DOP1B: variants seen among roughly 807,000 people sequenced by gnomAD.
DOP1B encodes the protein protein DOP1B.
DOP1B carries 174 observed loss-of-function variants against 233.5 expected under a neutral mutation model. The observed-to-expected ratio is 0.75, with a 90% CI of 0.66 to 0.85. DOP1B has a LOEUF of 0.85. DOP1B is among the 40% of genes least tolerant of loss of function. The pLI, the probability that DOP1B is intolerant of heterozygous loss-of-function variation, is 0.00. For missense variants in DOP1B, 2,652 were observed against 2,846.6 expected (o/e 0.93, Z 1.56); for synonymous variants, 1,190 against 1,185.6 (o/e 1.00, Z -0.08).
In DOP1B at chr21:36,277,095, G is replaced by T; in HGVS notation, c.5707G>T (p.Ala1903Ser). Residue 1903 changes from alanine to serine, a missense_variant, in exon 28 of 37, where the codon GCA becomes TCA. Coordinates refer to ENST00000691173, the MANE Select transcript of DOP1B (RefSeq NM_001320714.2). ...VYSVQALSLL[A>S]EVLASLLDMV... ...CAGCGTGCAAGCCCTCTCTCTCCTG[G>T]CAGAGGTAAATACACACCTGACCTG... 1.9e-6 allele frequency: 3 copies of T among 1,613,936 alleles called. No homozygotes were observed. The highest frequency in any genetic ancestry group is 2.5e-6 in the Non-Finnish European group (3 of 1,179,958).
intron 10 of DOP1B, among the ~76,000 whole-genome samples, chr21:36,219,943 G>A (rs1483649340): frequency 1.3e-5 from 2 of 151,734 alleles, no homozygotes; most frequent in Admixed American, 1.3e-4. Context: ...GGGTGTTGGG[G>A]GAGATTGGGG....
intron 13 of DOP1B, among the ~76,000 whole-genome samples, chr21:36,228,701 C>G (rs1044022429): frequency 6.6e-6 from 1 of 151,580 alleles, no homozygotes; most frequent in African/African-American, 2.4e-5. Flanking sequence ...AGGAGGCAGA[C>G]CTTGCAGTGA....
In DOP1B at chr21:36,219,640, T is replaced by C. The variant is rs1277583803; in HGVS notation, c.1250+148T>C. 21 of 1,140,664 alleles carry C rather than the reference T, an allele frequency of 1.8e-5. No homozygotes were observed. The Admixed American group carries it at 5.6e-4, about 30-fold the overall frequency. The allele number at this position is 1,140,664 out of a possible 1,614,324, so 70.7% of individuals were successfully genotyped here. ...ACCATTGGTGAAAATAATCAATGCG[T>C]TGAAGTCAGTCCATGGGAATTGACT... is the stretch of plus-strand genomic sequence containing the variant. On this transcript the variant is annotated intron_variant, in intron 10 of 36. Transcript: ENST00000691173.
intron 13 of DOP1B, among the ~76,000 whole-genome samples, chr21:36,228,951 A>G (rs1392335193): frequency 6.6e-6 from 1 of 152,120 alleles, no homozygotes; most frequent in African/African-American, 2.4e-5. Context: ...AGCCTGAGTG[A>G]GAGCAAGACC....
In DOP1B at chr21:36,246,184, T is replaced by C. The variant is rs1427728071; in HGVS notation, c.4204T>C (p.Tyr1402His). Residue 1402 changes from tyrosine to histidine, a missense_variant, in exon 19 of 37, where the codon TAC becomes CAC. By Grantham distance (83) the Tyr-to-His change is moderately conservative (BLOSUM62 2). Coordinates refer to ENST00000691173, the MANE Select transcript of DOP1B (RefSeq NM_001320714.2). The surrounding 1 kb of genome is among the most constrained non-coding windows in gnomAD (Gnocchi z 5.1). Reference sequence around the variant, plus strand: ...GTCCATGTACACGAGCCAGAAGCGCTACGGGCTGGCCACCGCCCACCACGG... The same window carrying C: ...GTCCATGTACACGAGCCAGAAGCGCCACGGGCTGGCCACCGCCCACCACGG... ...SASMYTSQKR[Y>H]GLATAHHGRA... 4 of 1,613,778 alleles carry C rather than the reference T, an allele frequency of 2.5e-6. No homozygotes were observed. Among genetic ancestry groups the C allele is most frequent in the Admixed American group, 1.7e-5 (1 of 60,024 alleles).
At position 36,253,874 on chromosome 21, in the gene DOP1B, G is replaced by A. The variant is rs756234332; in HGVS notation, c.5224G>A (p.Val1742Met). Residue 1742 changes from valine (V) to methionine (M), a missense_variant, in exon 23 of 37, where the codon GTG becomes ATG. Physicochemically the swap from Val to Met is conservative, Grantham distance 21. This residue lies in a region of DOP1B where 2,617 missense variants were observed against 2,794.3 expected (regional missense o/e 0.94). Transcript: ENST00000691173. The part of the protein sequence containing the change: ...DTLLHLVKEV[V>M]KRPPQVKGGD... ...GCTGCTGCACCTGGTGAAGGAGGTGGTGAAGAGGCCACCCCAAGTCAAAGG... is the reference window on the plus strand; with the variant it reads ...GCTGCTGCACCTGGTGAAGGAGGTGATGAAGAGGCCACCCCAAGTCAAAGG... The A allele has an allele frequency of 6.2e-6, 10 of 1,614,060 alleles. No individual in the cohort carries two copies. In the South Asian group the frequency reaches 6.6e-5, roughly 11 times the overall value.
intron 2 of DOP1B, among the ~76,000 whole-genome samples, chr21:36,184,011 G>A (rs965563460): frequency 7.3e-5 from 11 of 151,724 alleles, no homozygotes; most frequent in African/African-American, 1.7e-4. Flanking sequence ...CTACAGGTGC[G>A]TGCCACCACG....
intron 2 of DOP1B, among the ~76,000 whole-genome samples, chr21:36,165,545 G>A (rs13052205): frequency 0.043 from 6,588 of 152,150 alleles, 193 homozygotes; most frequent in Non-Finnish European, 0.064. Flanking sequence ...GTACCAGTCC[G>A]TGGCCTATTA....
At chr21:36,235,946 G>A (rs1352183487) in intron 15 of DOP1B, among the ~76,000 whole-genome samples, 1 of 151,774 alleles carries the variant, frequency 6.6e-6, no homozygotes, top group African/African-American at 2.4e-5. Flanking sequence ...CTTTCCCTTA[G>A]AGAAAAAGTA....
intron 12 of DOP1B, among the ~76,000 whole-genome samples, chr21:36,227,485 T>G (rs990151630): frequency 6.6e-6 from 1 of 151,634 alleles, no homozygotes; most frequent in African/African-American, 2.4e-5. Context: ...AGGCTGAGCT[T>G]GCAGTGAGCC....
In DOP1B at chr21:36,259,703, A is replaced by G. The variant is rs368062488; in HGVS notation, c.5260-974A>G. Among the ~76,000 whole-genome samples, 29 of 152,310 alleles carry G rather than the reference A, an allele frequency of 1.9e-4. 1 individual carries two copies. In the East Asian group the frequency reaches 3.9e-3, roughly 20 times the overall value. ...TCCTGAAGACAGCTCTGCAGAGGCT[A>G]TGACAGCCAGAGCGAGTGTGTTTAG... is the stretch of plus-strand genomic sequence containing the variant. On this transcript the variant is annotated intron_variant, in intron 23 of 36. Coordinates refer to ENST00000691173, the MANE Select transcript of DOP1B (RefSeq NM_001320714.2).
intron 35 of DOP1B, 137 bp from the exon 36 acceptor site, chr21:36,291,965 ACT>A: frequency 9.7e-7 from 1 of 1,033,238 alleles, no homozygotes; most frequent in South Asian, 2.0e-5. Context: ...TAGACGTGCA[ACT>A]CTATGAATAT....
chr21:36,248,568 A>G lies in DOP1B; in HGVS notation c.4998A>G (p.Lys1666=). 1 of 1,603,874 alleles carries G rather than the reference A, an allele frequency of 6.2e-7. No homozygotes were observed. The highest frequency in any genetic ancestry group is 1.1e-5 in the South Asian group (1 of 89,478). ...CTTCCGTTTACTTTAAAACCACCAA[A>G]GTAAGAGGATGTCTCTGTAGTTCTG... ...GSSSVYFKTT[K]TIRQKILDFL... is the part of the protein sequence containing the mutation. Residue 1666 remains lysine (K), a splice_region_variant and synonymous_variant, in exon 21 of 37, where the codon AAA becomes AAG. Transcript: ENST00000691173.
chr21:36,278,874 A>C (rs2067383937), intron 30 of DOP1B, among the ~76,000 whole-genome samples: 1 of 151,836 alleles, frequency 6.6e-6, no homozygotes. Context: ...TGTCTCAAAT[A>C]AATAAACAGC....
intron 11 of DOP1B, among the ~76,000 whole-genome samples, chr21:36,223,693 G>T (rs529359119): frequency 1.3e-5 from 2 of 152,280 alleles, no homozygotes; most frequent in Non-Finnish European, 2.9e-5. Context: ...TAGTTTTGTG[G>T]CTTTGTGACT....
At position 36,270,157 on chromosome 21, in the gene DOP1B, G is replaced by A. The variant is rs2067270894; in HGVS notation, c.5632G>A (p.Asp1878Asn). Reference sequence around the variant, plus strand: ...ATCTGATGCTGAGGAGGACCTGTATGGTAGGTGGAGATGGGTTGGCTGATA... The same window carrying A: ...ATCTGATGCTGAGGAGGACCTGTATAGTAGGTGGAGATGGGTTGGCTGATA... ...EESDAEEDLY[D>N]AAAASAMVSS... The change falls in exon 27 of 37, where the codon GAT becomes AAT. Residue 1878 changes from aspartate to asparagine, a missense_variant and splice_region_variant. This residue lies in a region of DOP1B where 2,617 missense variants were observed against 2,794.3 expected (regional missense o/e 0.94). Transcript: ENST00000691173. 1 of 1,613,382 alleles carries A rather than the reference G, an allele frequency of 6.2e-7. No homozygotes were observed. Among genetic ancestry groups the A allele is most frequent in the Non-Finnish European group, 8.5e-7 (1 of 1,179,806 alleles).
At chr21:36,188,908 T>G (rs1601395836) in intron 2 of DOP1B, among the ~76,000 whole-genome samples, 1 of 152,212 alleles carries the variant, frequency 6.6e-6, no homozygotes, top group East Asian at 1.9e-4. Flanking sequence ...TCCCCACCCA[T>G]ATGGTTAAAT....
Position 36,248,585 on chromosome 21 carries a change from G to C in DOP1B, c.4998+17G>C. The C allele has an allele frequency of 6.3e-7, 1 of 1,592,182 alleles. No individual in the cohort carries two copies. Among genetic ancestry groups the C allele is most frequent in the Non-Finnish European group, 8.5e-7 (1 of 1,169,806 alleles). On this transcript the variant is annotated intron_variant, in intron 21 of 36. Transcript: ENST00000691173. ...ACCACCAAAGTAAGAGGATGTCTCT[G>C]TAGTTCTGTCATTTACTTGGTCTTG... is the stretch of plus-strand genomic sequence containing the variant.
intron 2 of DOP1B, among the ~76,000 whole-genome samples, chr21:36,190,135 T>C (rs1312819840): frequency 6.6e-6 from 1 of 151,430 alleles, no homozygotes; most frequent in Non-Finnish European, 1.5e-5. Context: ...CTGGCCAAAA[T>C]GGTGAAACCC....
Sources: gnomAD v4.1 joint callset for allele counts (sites outside exome capture counted in the v4.1 genomes callset) on GRCh38, gnomAD v4.1.1 for gene constraint, gnomAD v4.1.1 regional missense constraint, Gnocchi (gnomAD v3.1) non-coding constraint, MANE v1.5 for transcripts, NCBI Gene and HGNC (gene_info 2026-07-23, HGNC 2026-07-21) for gene names.